Variants in PDS5A observed in about 807,000 individuals in gnomAD.
PDS5A encodes PDS5 cohesin associated factor A.
Under a neutral mutation model 167.1 loss-of-function variants are expected in PDS5A, and 42 were observed. The observed-to-expected ratio is 0.25, with a 90% CI of 0.20 to 0.33. The LOEUF (loss-of-function observed/expected upper bound fraction) is 0.33. Ranked by LOEUF, PDS5A falls within the 10% of genes least tolerant of loss-of-function variation. The pLI is 1.00. For synonymous variants in PDS5A, 553 were observed against 554.6 expected (o/e 1.00, Z 0.04); for missense variants, 1,033 against 1,605.9 (o/e 0.64, Z 6.10).
At position 39,880,101 on chromosome 4, in the gene PDS5A, GTAATT is replaced by G. The variant is rs369418688; in HGVS notation, c.1887-273_1887-269del. ...GCACTCTGGTAATATATTCACATAA[GTAATT>G]TAATATTCATTTCCATATATACAGA... On this transcript the variant is annotated intron_variant, in intron 17 of 32. Coordinates refer to ENST00000303538, the MANE Select transcript of PDS5A (RefSeq NM_001100399.2). Among the ~76,000 whole-genome samples, 7 of 152,086 alleles carry G rather than the reference GTAATT, an allele frequency of 4.6e-5. No individual in the cohort carries two copies. The South Asian group carries it at 1.0e-3, about 23-fold the overall frequency.
chr4:39,919,736 T>C (rs77017788), intron 7 of PDS5A, among the ~76,000 whole-genome samples: 5,103 of 152,126 alleles, frequency 0.034, 139 homozygotes, highest in Middle Eastern at 0.058. Flanking sequence ...GGTAGTGAGA[T>C]TGCAAACTTT....
intron 2 of PDS5A, chr4:39,974,285 G>T: frequency 1.9e-6 from 1 of 538,026 alleles, no homozygotes; most frequent in Non-Finnish European, 3.8e-6. Context: ...TATGAGACCA[G>T]CTTCTTCACA....
intron 18 of PDS5A, among the ~76,000 whole-genome samples, chr4:39,878,339 T>C (rs1342525622): frequency 1.1e-4 from 17 of 152,150 alleles, no homozygotes; most frequent in Admixed American, 1.0e-3. Context: ...CTCACGTCTG[T>C]AATCCCAGCA....
rs1360034000 is a variant in PDS5A, at chr4:39,823,740, C to A, written c.*1745G>T. 1.3e-5 allele frequency: 2 copies of A among 152,580 alleles called. No individual in the cohort carries two copies. The highest frequency in any genetic ancestry group is 4.8e-5 in the African/African-American group (2 of 41,428). 9.5% of individuals were successfully genotyped at this position (152,580 alleles called of 1,614,324 possible). A position where few individuals can be genotyped will look rare whatever the true frequency, so the allele number is the denominator to read the frequency against. On this transcript the variant is annotated 3_prime_UTR_variant, in exon 33 of 33. Transcript: ENST00000303538. ...AGGAAGAGTGGGGATTTTTCTGCCC[C>A]TGTAAAGGTATCATTTTCTATCATT...
rs1003394060 is a variant in PDS5A at position 39,970,141 on chromosome 4, C to T, written c.138+6299G>A. 1.3e-4 allele frequency among the ~76,000 whole-genome samples: 20 copies of T among 151,860 alleles called. 1 individual carries two copies. The South Asian group carries it at 3.1e-3, about 24-fold the overall frequency. ...CTGGGATTACAGGCGTGAGCCACCG[C>T]GCCCAGCCTGTAATGTAGAACCTTA... is the stretch of plus-strand genomic sequence containing the variant. On this transcript the variant is annotated intron_variant, in intron 2 of 32. Coordinates refer to ENST00000303538, the MANE Select transcript of PDS5A (RefSeq NM_001100399.2).
At chr4:39,902,021 G>T (rs1475695002) in intron 13 of PDS5A, among the ~76,000 whole-genome samples, 1 of 152,086 alleles carries the variant, frequency 6.6e-6, no homozygotes, top group Non-Finnish European at 1.5e-5. Context: ...ACCCAACAAA[G>T]AATCAGTATT....
At chr4:39,934,257 G>A (rs1054460377) in intron 2 of PDS5A, among the ~76,000 whole-genome samples, 9 of 152,094 alleles carry the variant, frequency 5.9e-5, no homozygotes, top group Admixed American at 1.3e-4. Context: ...AAGTGTTCTC[G>A]GAGTCTAGTC....
At chr4:39,843,963 G>A (rs1390046018) in intron 30 of PDS5A, among the ~76,000 whole-genome samples, 2 of 151,736 alleles carry the variant, frequency 1.3e-5, no homozygotes, top group Non-Finnish European at 2.9e-5. Context: ...TGGGGAAGAT[G>A]ACGAAACTCC....
intron 2 of PDS5A, among the ~76,000 whole-genome samples, chr4:39,929,519 C>CTCTCTATATATATA (rs1346928018): frequency 2.5e-5 from 2 of 79,396 alleles, no homozygotes; most frequent in African/African-American, 8.8e-5. Context: ...ACTTAATAAA[C>CTCTCTATATATATA]TATATATATA....
intron 9 of PDS5A, 89 bp from the exon 10 acceptor site, chr4:39,910,427 C>G: frequency 1.5e-6 from 1 of 668,708 alleles, no homozygotes; most frequent in South Asian, 1.8e-5. Flanking sequence ...TACTTATACG[C>G]AACAATAGTT....
chr4:39,863,930 A>G (rs1719211495), intron 23 of PDS5A, among the ~76,000 whole-genome samples: 7 of 152,262 alleles, frequency 4.6e-5, no homozygotes, highest in Admixed American at 3.9e-4. Context: ...AGAGATTGAG[A>G]CCATCCTGGC....
chr4:39,890,758 A>G (rs1391639851), intron 16 of PDS5A, among the ~76,000 whole-genome samples: 1 of 152,012 alleles, frequency 6.6e-6, no homozygotes, highest in Non-Finnish European at 1.5e-5. Flanking sequence ...CTGGGATTAC[A>G]GGCACGTGCC....
intron 30 of PDS5A, among the ~76,000 whole-genome samples, chr4:39,844,153 A>G (rs935610400): frequency 2.6e-5 from 4 of 151,706 alleles, no homozygotes; most frequent in Non-Finnish European, 5.9e-5. Context: ...CTGTCTCTTA[A>G]AAAAAAATTA....
At chr4:39,861,656 T>C (rs1719014493) in intron 26 of PDS5A, among the ~76,000 whole-genome samples, 1 of 152,236 alleles carries the variant, frequency 6.6e-6, no homozygotes, top group African/African-American at 2.4e-5. Flanking sequence ...TGCAGTGGCT[T>C]AATCATAGCT....
At chr4:39,925,669 G>C (rs1414266223) in intron 5 of PDS5A, among the ~76,000 whole-genome samples, 167 bp downstream of exon 5, 1 of 152,164 alleles carries the variant, frequency 6.6e-6, no homozygotes, top group Non-Finnish European at 1.5e-5. Flanking sequence ...TAAGGTCAAA[G>C]GCAGTGTTCG....
intron 2 of PDS5A, among the ~76,000 whole-genome samples, chr4:39,954,670 T>TAAATAAAAA (rs1553908181): frequency 8.3e-5 from 4 of 48,276 alleles, no homozygotes; most frequent in East Asian, 7.5e-4. Flanking sequence ...AAGAGATAAG[T>TAAATAAAAA]AAAAAAAAAA....
intron 26 of PDS5A, among the ~76,000 whole-genome samples, chr4:39,851,828 T>C (rs1718149254): frequency 6.6e-6 from 1 of 152,220 alleles, no homozygotes; most frequent in Admixed American, 6.5e-5. Context: ...TCCTTAATTC[T>C]TGGGTCAGAA....
At chr4:39,843,879 T>C (rs1460757994) in intron 30 of PDS5A, among the ~76,000 whole-genome samples, 1 of 152,084 alleles carries the variant, frequency 6.6e-6, no homozygotes, top group Non-Finnish European at 1.5e-5. Context: ...GTGCAGTGGT[T>C]TGCGCCTGTA....
At chr4:39,926,431 T>C (rs1359858972) in intron 4 of PDS5A, among the ~76,000 whole-genome samples, 1 of 151,534 alleles carries the variant, frequency 6.6e-6, no homozygotes, top group Non-Finnish European at 1.5e-5. Context: ...GGCAGAAGAA[T>C]TGCTTGAACC....
Sources: allele counts gnomAD v4.1 joint callset (sites outside exome capture counted in the v4.1 genomes callset), GRCh38; gene constraint gnomAD v4.1.1; transcripts MANE v1.5; gene names NCBI Gene and HGNC (gene_info 2026-07-23, HGNC 2026-07-21).